Variants in CCDC141 observed in about 807,000 individuals in gnomAD.
The protein encoded by CCDC141 is coiled-coil domain-containing protein 141.
In CCDC141, 168 loss-of-function variants were observed where a neutral mutation model predicts 181.0. The ratio of observed to expected loss-of-function variants is 0.93; its 90% CI spans 0.82 to 1.05. The LOEUF is 1.05. Ranked by LOEUF, CCDC141 falls within the 50% of genes least tolerant of loss-of-function variation. The pLI is 0.00. For synonymous variants in CCDC141, 666 were observed against 642.3 expected, an observed-to-expected ratio of 1.04 and a Z score of -0.56; for missense variants, 1,902 against 1,788.5, an observed-to-expected ratio of 1.06 and a Z score of -1.14.
intron 11 of CCDC141, among the ~76,000 whole-genome samples, chr2:178,882,844 T>C (rs891599896): frequency 6.6e-6 from 1 of 151,328 alleles, no homozygotes; most frequent in African/African-American, 2.4e-5. Context: ...GTTGGCAGGG[T>C]TAGTCAGGGT....
At chr2:178,991,407 T>A (rs1376980108) in intron 2 of CCDC141, among the ~76,000 whole-genome samples, 1 of 151,762 alleles carries the variant, frequency 6.6e-6, no homozygotes, top group African/African-American at 2.4e-5. Context: ...AATTTTATGT[T>A]ATATGAATTT....
At chr2:179,007,550 A>C (rs1374752671) in intron 2 of CCDC141, among the ~76,000 whole-genome samples, 1 of 152,092 alleles carries the variant, frequency 6.6e-6, no homozygotes, top group Non-Finnish European at 1.5e-5. Context: ...CCCAATATCC[A>C]CCTTCTGACT....
chr2:178,998,644 T>C (rs766488814), intron 2 of CCDC141, among the ~76,000 whole-genome samples: 1 of 152,182 alleles, frequency 6.6e-6, no homozygotes, highest in Non-Finnish European at 1.5e-5. Context: ...TACTGTTGCA[T>C]GGTCCATTAA....
intron 17 of CCDC141, among the ~76,000 whole-genome samples, chr2:178,858,432 T>C (rs1685474618): frequency 8.6e-6 from 1 of 116,850 alleles, no homozygotes; most frequent in African/African-American, 3.7e-5. Context: ...TGCAACTACA[T>C]ATATAATAAG....
At chr2:178,931,218 T>A (rs927598823) in intron 6 of CCDC141, among the ~76,000 whole-genome samples, 1 of 152,318 alleles carries the variant, frequency 6.6e-6, no homozygotes, top group Admixed American at 6.5e-5. Context: ...TCTACCTTTC[T>A]GGTAGAAATA....
intron 6 of CCDC141, among the ~76,000 whole-genome samples, chr2:178,942,709 G>A (rs554866363): frequency 6.6e-6 from 1 of 152,216 alleles, no homozygotes; most frequent in Non-Finnish European, 1.5e-5. Flanking sequence ...TTACAAATGC[G>A]CCACTCTGAT....
intron 6 of CCDC141, among the ~76,000 whole-genome samples, chr2:178,928,170 T>G (rs78581088): frequency 6.6e-6 from 1 of 152,080 alleles, no homozygotes; most frequent in African/African-American, 2.4e-5. Context: ...CCACGCTGAG[T>G]AGCACAAGGA....
At chr2:178,870,379 G>A (rs1171155574) in intron 14 of CCDC141, among the ~76,000 whole-genome samples, 4 of 151,952 alleles carry the variant, frequency 2.6e-5, no homozygotes, top group African/African-American at 9.7e-5. Context: ...CCTAAAAAGG[G>A]TCTTCAAGTT....
At chr2:179,003,327 C>T (rs1326234728) in intron 2 of CCDC141, among the ~76,000 whole-genome samples, 5 of 152,150 alleles carry the variant, frequency 3.3e-5, no homozygotes, top group Non-Finnish European at 7.3e-5. Flanking sequence ...TGGCATGCAG[C>T]GTAACATAGT....
At chr2:178,900,947 T>C (rs7562602) in intron 8 of CCDC141, among the ~76,000 whole-genome samples, 90,789 of 151,962 alleles carry the variant, frequency 0.6, 27,587 homozygotes, top group Admixed American at 0.67. Flanking sequence ...TATGATTGCA[T>C]TAGTTCATTG....
rs929593315 is a variant in CCDC141 at position 179,027,570 on chromosome 2, G to A, written c.225+19714C>T. Among the ~76,000 whole-genome samples, 8 of 146,998 alleles carry A rather than the reference G, an allele frequency of 5.4e-5. No homozygotes were observed. The Middle Eastern group carries it at 0.011, about 200-fold the overall frequency. On this transcript the variant is annotated intron_variant, in intron 2 of 23. Transcript: ENST00000443758. ...TGAGGCAGGAGAATGGCATGAACCC[G>A]GGAGGTGGAGGTCGCAGTGAGCCAA...
intron 7 of CCDC141, among the ~76,000 whole-genome samples, 191 bp downstream of exon 7, chr2:178,918,522 C>T (rs2154374547): frequency 6.6e-6 from 1 of 152,310 alleles, no homozygotes; most frequent in East Asian, 1.9e-4. Flanking sequence ...CATGTGAAAA[C>T]AGTCTTTCAG....
At chr2:178,864,414 C>T (rs6709734) in intron 17 of CCDC141, among the ~76,000 whole-genome samples, 41,939 of 152,038 alleles carry the variant, frequency 0.28, 7,125 homozygotes, top group Non-Finnish European at 0.39. Context: ...GCATAGGAAC[C>T]GGAAGTGGCC....
At chr2:178,906,813 G>T (rs1333714130) in intron 7 of CCDC141, among the ~76,000 whole-genome samples, 6 of 152,048 alleles carry the variant, frequency 3.9e-5, no homozygotes, top group Non-Finnish European at 7.4e-5. Context: ...TTGAGCTGGT[G>T]CTGGGGCAAC....
rs1234446605 is a variant in CCDC141, at chr2:178,836,970, T to G, written c.4249A>C (p.Asn1417His). The G allele has an allele frequency of 1.9e-6, 3 of 1,613,944 alleles. No individual in the cohort carries two copies. Among genetic ancestry groups the G allele is most frequent in the Non-Finnish European group, 2.5e-6 (3 of 1,179,940 alleles). The change falls in exon 23 of 24, where the codon AAT (asparagine) becomes CAT (histidine). Residue 1417 changes from asparagine to histidine, a missense_variant. By Grantham distance (68) the Asn-to-His change is moderately conservative. Transcript: ENST00000443758. Reference protein sequence around the residue: ...QAPNFSRLLSNVTVMEGSPVT... With the variant: ...QAPNFSRLLSHVTVMEGSPVT... ...GGAGAACCTTCCATGACAGTTACAT[T>G]AGACAGGAGCCTGGAGAAATTAGGT...
intron 2 of CCDC141, among the ~76,000 whole-genome samples, chr2:179,033,368 T>C (rs1191040076): frequency 6.6e-6 from 1 of 152,130 alleles, no homozygotes; most frequent in African/African-American, 2.4e-5. Flanking sequence ...ATAGCTTATA[T>C]TGCAAATACT....
At position 178,961,475 on chromosome 2, in the gene CCDC141, C is replaced by T; in HGVS notation, c.535G>A (p.Glu179Lys). The T allele has an allele frequency of 1.3e-6, 2 of 1,546,918 alleles. No homozygotes were observed. Among genetic ancestry groups the T allele is most frequent in the Non-Finnish European group, 1.7e-6 (2 of 1,145,060 alleles). Residue 179 changes from glutamate to lysine, a missense_variant, in exon 5 of 24, where the codon GAA (glutamate) becomes AAA (lysine). Physicochemically the swap from Glu to Lys is moderately conservative, Grantham distance 56. Transcript: ENST00000443758. ...TTGTTTAAAAGGGCTAAAGACCGTT[C>T]CAAGAGTTCTAGAAGAAAATTAGAA... The part of the protein sequence containing the change: ...LHEHHTKELL[E>K]RSLALLNKSQ...
intron 6 of CCDC141, 73 bp downstream of exon 6, chr2:178,944,462 A>T: frequency 1.6e-6 from 1 of 622,446 alleles, no homozygotes; most frequent in Non-Finnish European, 2.6e-6. Context: ...CCTCTAAATT[A>T]CCCACAGAAG....
At chr2:178,817,385 A>C in the CCDC141 span, 1 of 396,402 alleles carries the variant, frequency 2.5e-6, no homozygotes, top group Non-Finnish European at 5.1e-6. Context: ...AATTTAGCTG[A>C]AACTACTGTT....
Sources: allele counts gnomAD v4.1 joint callset (sites outside exome capture counted in the v4.1 genomes callset), GRCh38; gene constraint gnomAD v4.1.1; transcripts MANE v1.5; gene names NCBI Gene and HGNC (gene_info 2026-07-23, HGNC 2026-07-21).